The following TIMP2 variants were observed in gnomAD, a reference collection of about 807,000 sequenced individuals.
The protein encoded by TIMP2 is metalloproteinase inhibitor 2.
TIMP2 carries 5 observed loss-of-function variants against 24.3 expected under a neutral mutation model. The ratio of observed to expected loss-of-function variants is 0.21; its 90% CI spans 0.11 to 0.43. The LOEUF (loss-of-function observed/expected upper bound fraction) is 0.43, where lower values mean the gene tolerates loss of function less well. Ranked by LOEUF, TIMP2 falls within the 20% of genes least tolerant of loss-of-function variation. The pLI, the probability that TIMP2 is intolerant of heterozygous loss-of-function variation, is 1.00. For missense variants in TIMP2, 221 were observed against 297.5 expected (o/e 0.74, Z 1.89); for synonymous variants, 130 against 123.2 (o/e 1.06, Z -0.37).
intron 1 of TIMP2, among the ~76,000 whole-genome samples, chr17:78,879,336 A>G (rs2069757924): frequency 6.6e-6 from 1 of 152,330 alleles, no homozygotes; most frequent in Middle Eastern, 3.4e-3. Flanking sequence ...CCAGTTCTGT[A>G]GGGGAAAGCA....
chr17:78,911,619 T>C (rs62074400), intron 1 of TIMP2, among the ~76,000 whole-genome samples: 1 of 151,844 alleles, frequency 6.6e-6, no homozygotes, highest in East Asian at 2.0e-4. Context: ...TTAGTAGAGA[T>C]GGGGTTTCGC....
At chr17:78,870,716 T>C (rs1599149093) in intron 3 of TIMP2, among the ~76,000 whole-genome samples, 182 bp downstream of exon 3, 1 of 152,066 alleles carries the variant, frequency 6.6e-6, no homozygotes. Flanking sequence ...AATTGGCAGG[T>C]AGTGAACATT....
At chr17:78,917,051 G>C (rs1475259715) in intron 1 of TIMP2, among the ~76,000 whole-genome samples, 3 of 152,196 alleles carry the variant, frequency 2.0e-5, no homozygotes, top group Admixed American at 2.0e-4. Context: ...TGGAGTTTGA[G>C]ACCAGCCTGG....
At chr17:78,923,548 C>G (rs2070325782) in intron 1 of TIMP2, among the ~76,000 whole-genome samples, 1 of 152,210 alleles carries the variant, frequency 6.6e-6, no homozygotes, top group South Asian at 2.1e-4. Flanking sequence ...GGCCTGCACT[C>G]CTCGTGGACC....
At chr17:78,894,715 G>A (rs551019625) in intron 1 of TIMP2, among the ~76,000 whole-genome samples, 1 of 152,098 alleles carries the variant, frequency 6.6e-6, no homozygotes, top group South Asian at 2.1e-4. Flanking sequence ...AAACGTAGGT[G>A]TATATTCATG....
chr17:78,911,631 A>C (rs534326375), intron 1 of TIMP2, among the ~76,000 whole-genome samples: 1 of 151,952 alleles, frequency 6.6e-6, no homozygotes, highest in Non-Finnish European at 1.5e-5. Flanking sequence ...GGGTTTCGCC[A>C]TGTTGGCCAG....
intron 1 of TIMP2, among the ~76,000 whole-genome samples, chr17:78,906,564 T>C (rs774225985): frequency 3.9e-5 from 6 of 152,036 alleles, no homozygotes; most frequent in Admixed American, 6.6e-5. Context: ...GCAATTTCTT[T>C]TTTTTCCTTT....
chr17:78,920,383 G>A lies in TIMP2; in HGVS notation c.130+4576C>T, dbSNP rs1034914766. ...AGAAGGGTGCAAATAGGGGAGGCCCGAGAGGCTCTGAGGCTGGCACTGTCC... is the reference window on the plus strand; with the variant it reads ...AGAAGGGTGCAAATAGGGGAGGCCCAAGAGGCTCTGAGGCTGGCACTGTCC... On this transcript the variant is annotated intron_variant, in intron 1 of 4. Coordinates refer to ENST00000262768, the MANE Select transcript of TIMP2 (RefSeq NM_003255.5). This position sits in a 1 kb window ranked among gnomAD's most constrained non-coding sequence, Gnocchi z 4.5. 3.3e-5 allele frequency among the ~76,000 whole-genome samples: 5 copies of A among 152,172 alleles called. No individual in the cohort carries two copies. Among genetic ancestry groups the A allele is most frequent in the South Asian group, 2.1e-4 (1 of 4,834 alleles).
chr17:78,887,267 C>A (rs1219824188), intron 1 of TIMP2, among the ~76,000 whole-genome samples: 1 of 152,160 alleles, frequency 6.6e-6, no homozygotes, highest in Non-Finnish European at 1.5e-5. Flanking sequence ...AGCCATAGTT[C>A]CAGCTTTTAC....
chr17:78,890,888 T>C (rs995085725), intron 1 of TIMP2: 1 of 1,550,662 alleles, frequency 6.4e-7, no homozygotes, highest in Admixed American at 2.0e-5. Flanking sequence ...CCTCTCTTTT[T>C]CTAGCTCAGC....
At chr17:78,885,828 T>C (rs560569734) in intron 1 of TIMP2, among the ~76,000 whole-genome samples, 1 of 152,196 alleles carries the variant, frequency 6.6e-6, no homozygotes, top group South Asian at 2.1e-4. Flanking sequence ...CAGCTCCTGG[T>C]GGAGGCTCTG....
chr17:78,863,155 G>A (rs1036928972), intron 3 of TIMP2, among the ~76,000 whole-genome samples: 14 of 152,194 alleles, frequency 9.2e-5, no homozygotes, highest in Admixed American at 3.3e-4. Context: ...GGGTGAACTC[G>A]TTTACATTCC....
At chr17:78,866,784 G>T (rs1294322788) in intron 3 of TIMP2, among the ~76,000 whole-genome samples, 1 of 152,122 alleles carries the variant, frequency 6.6e-6, no homozygotes. Context: ...GTTACACAGG[G>T]TCACACGTAT....
intron 1 of TIMP2, among the ~76,000 whole-genome samples, chr17:78,916,560 C>T (rs1228391479): frequency 1.3e-5 from 2 of 152,212 alleles, no homozygotes; most frequent in Non-Finnish European, 2.9e-5. Context: ...GCCCGCGACC[C>T]ATGGCCCCGC....
intron 1 of TIMP2, among the ~76,000 whole-genome samples, chr17:78,887,424 C>G (rs965930273): frequency 6.6e-6 from 1 of 152,014 alleles, no homozygotes; most frequent in Non-Finnish European, 1.5e-5. Context: ...CTCCCTCTGT[C>G]CCCAGGCTGG....
chr17:78,893,395 ATGCAGGGGTG>A lies in TIMP2; in HGVS notation c.131-19486_131-19477del, dbSNP rs1430045202. On this transcript the variant is annotated intron_variant, in intron 1 of 4. Transcript: ENST00000262768. ...TAGGAGTGTGTGTGCAGGGGTGTGTATGCAGGGGTGTGTGTGCATAGGGGTGTGTGTGCAG... is the reference window on the plus strand; with the variant it reads ...TAGGAGTGTGTGTGCAGGGGTGTGTATGTGTGCATAGGGGTGTGTGTGCAG... Among the ~76,000 whole-genome samples the A allele has an allele frequency of 5.8e-3, 178 of 30,808 alleles. 4 individuals are homozygous for A. The highest frequency in any genetic ancestry group is 0.024 in the African/African-American group (107 of 4,542). The allele number at this position is 30,808 out of a possible 152,430, so 20.2% of individuals were successfully genotyped here. A position where few individuals can be genotyped will look rare whatever the true frequency, so the allele number is the denominator to read the frequency against.
In TIMP2 at chr17:78,891,415, C is replaced by A; in HGVS notation, c.131-17496G>T. The A allele has an allele frequency of 3.2e-6, 5 of 1,550,768 alleles. No individual in the cohort carries two copies. Among genetic ancestry groups the A allele is most frequent in the Non-Finnish European group, 4.4e-6 (5 of 1,147,054 alleles). ...TCTGGTCCATCCTGGGCTTCAGTGC[C>A]AGGTACAAGCACAGGTGTTTTTTCA... On this transcript the variant is annotated intron_variant, in intron 1 of 4. Coordinates refer to ENST00000262768, the MANE Select transcript of TIMP2 (RefSeq NM_003255.5). This position sits in a 1 kb window ranked among gnomAD's most constrained non-coding sequence, Gnocchi z 4.5.
At chr17:78,879,973 G>T (rs1295535743) in intron 1 of TIMP2, among the ~76,000 whole-genome samples, 1 of 152,060 alleles carries the variant, frequency 6.6e-6, no homozygotes, top group Non-Finnish European at 1.5e-5. Flanking sequence ...CAAAGAGGAT[G>T]GGCTACGGTC....
intron 3 of TIMP2, among the ~76,000 whole-genome samples, chr17:78,861,077 C>T (rs921597281): frequency 3.9e-5 from 6 of 151,962 alleles, no homozygotes; most frequent in Non-Finnish European, 7.4e-5. Flanking sequence ...ACTTTCCCCA[C>T]TAGACCTATA....
Sources: allele counts gnomAD v4.1 joint callset (sites outside exome capture counted in the v4.1 genomes callset), GRCh38; gene constraint gnomAD v4.1.1; non-coding constraint Gnocchi (gnomAD v3.1); transcripts MANE v1.5; gene names NCBI Gene and HGNC (gene_info 2026-07-23, HGNC 2026-07-21).